Variants in NKAIN2 observed in about 807,000 individuals in gnomAD.
The protein encoded by NKAIN2 is sodium/potassium-transporting ATPase subunit beta-1-interacting protein 2.
Under a neutral mutation model 32.6 loss-of-function variants are expected in NKAIN2, and 14 were observed. The ratio of observed to expected loss-of-function variants is 0.43; its 90% CI spans 0.28 to 0.67. NKAIN2 has a LOEUF of 0.67. NKAIN2 is among the 30% of genes least tolerant of loss of function. The pLI, the probability that NKAIN2 is intolerant of heterozygous loss-of-function variation, is 0.17. For synonymous variants in NKAIN2, 80 were observed against 87.2 expected (o/e 0.92, Z 0.46); for missense variants, 198 against 258.3 (o/e 0.77, Z 1.60).
chr6:124,791,320 C>T lies in NKAIN2; in HGVS notation c.475-19C>T. The stretch of plus-strand genomic sequence containing the variant: ...TGGTGCCTTTTTCTGATGTCTAAAG[C>T]ATCTCTGTTTTGTTTCAGCTGGCAG... On this transcript the variant is annotated intron_variant, in intron 4 of 6. Transcript: ENST00000368417. 3.1e-6 allele frequency: 5 copies of T among 1,600,322 alleles called. No homozygotes were observed. Among genetic ancestry groups the T allele is most frequent in the Non-Finnish European group, 4.3e-6 (5 of 1,169,122 alleles).
At chr6:124,546,095 G>C (rs1036464505) in intron 3 of NKAIN2, among the ~76,000 whole-genome samples, 2 of 151,898 alleles carry the variant, frequency 1.3e-5, no homozygotes, top group African/African-American at 4.8e-5. Flanking sequence ...TGTTGTTATC[G>C]ACAAAAAATA....
chr6:124,071,774 A>C lies in NKAIN2; in HGVS notation c.55-211231A>C, dbSNP rs534095323. ...GAAATATTGATCAAAACCACAATGA[A>C]ATACTATCTCACACCAGTCAGGATT... On this transcript the variant is annotated intron_variant, in intron 1 of 6. Coordinates refer to ENST00000368417, the MANE Select transcript of NKAIN2 (RefSeq NM_001040214.3). 6.2e-4 allele frequency among the ~76,000 whole-genome samples: 95 copies of C among 152,238 alleles called. No individual in the cohort carries two copies. The South Asian group carries it at 7.3e-3, about 12-fold the overall frequency.
intron 1 of NKAIN2, among the ~76,000 whole-genome samples, chr6:124,078,286 G>A (rs568775121): frequency 1.3e-5 from 2 of 151,894 alleles, no homozygotes; most frequent in South Asian, 4.2e-4. Flanking sequence ...TCAAGATTTG[G>A]CCTAGCTGAA....
intron 1 of NKAIN2, among the ~76,000 whole-genome samples, chr6:123,911,523 A>T (rs967769295): frequency 4.6e-5 from 7 of 151,960 alleles, no homozygotes; most frequent in Admixed American, 6.6e-5. Context: ...ATCCATCCCT[A>T]TGATCCAAAT....
intron 2 of NKAIN2, among the ~76,000 whole-genome samples, chr6:124,317,476 C>G (rs1390906888): frequency 6.6e-6 from 1 of 151,986 alleles, no homozygotes; most frequent in African/African-American, 2.4e-5. Flanking sequence ...ATATTAAAGA[C>G]AGGATGGGAA....
At position 124,677,495 on chromosome 6, in the gene NKAIN2, G is replaced by T. The variant is rs117145644; in HGVS notation, c.474+19109G>T. On this transcript the variant is annotated intron_variant, in intron 4 of 6. Coordinates refer to ENST00000368417, the MANE Select transcript of NKAIN2 (RefSeq NM_001040214.3). ...ATACTTTGACTTATTTCTCCTTTGTGTGCCTTCAATATTTTCTTTATGGTT... is the reference window on the plus strand; with the variant it reads ...ATACTTTGACTTATTTCTCCTTTGTTTGCCTTCAATATTTTCTTTATGGTT... Among the ~76,000 whole-genome samples, 377 of 151,464 alleles carry T rather than the reference G, an allele frequency of 2.5e-3. 1 individual carries two copies. The highest frequency in any genetic ancestry group is 4.3e-3 in the Non-Finnish European group (289 of 67,896).
intron 1 of NKAIN2, among the ~76,000 whole-genome samples, chr6:124,023,696 G>A (rs779318153): frequency 1.4e-4 from 22 of 151,970 alleles, no homozygotes; most frequent in African/African-American, 2.4e-4. Context: ...TGATTTTCTC[G>A]TTACCTGTGC....
intron 3 of NKAIN2, among the ~76,000 whole-genome samples, chr6:124,468,156 C>T (rs1776836116): frequency 1.3e-5 from 2 of 152,062 alleles, no homozygotes; most frequent in South Asian, 2.1e-4. Flanking sequence ...ACAGATTTTA[C>T]ATCTTCCAAT....
chr6:124,172,116 A>AT (rs1562400575), intron 1 of NKAIN2, among the ~76,000 whole-genome samples: 1 of 152,028 alleles, frequency 6.6e-6, no homozygotes, highest in African/African-American at 2.4e-5. Context: ...CCAGCCCCCA[A>AT]TTTTTTTAAT....
chr6:124,363,339 A>T (rs1799377083), intron 3 of NKAIN2, among the ~76,000 whole-genome samples: 1 of 152,178 alleles, frequency 6.6e-6, no homozygotes, highest in Non-Finnish European at 1.5e-5. Flanking sequence ...CTAACTTTGT[A>T]AACATGCTAT....
chr6:123,927,617 A>G (rs536245716), intron 1 of NKAIN2, among the ~76,000 whole-genome samples: 3 of 152,226 alleles, frequency 2.0e-5, no homozygotes, highest in Non-Finnish European at 2.9e-5. Context: ...GGCTTAAACA[A>G]GAAAGGTGCT....
At chr6:124,072,994 T>A (rs1319951309) in intron 1 of NKAIN2, among the ~76,000 whole-genome samples, 1 of 152,182 alleles carries the variant, frequency 6.6e-6, no homozygotes, top group Non-Finnish European at 1.5e-5. Context: ...TCATTTTCCT[T>A]AGGAAATAGA....
At position 124,242,426 on chromosome 6, in the gene NKAIN2, A is replaced by T. The variant is rs181834467; in HGVS notation, c.55-40579A>T. On this transcript the variant is annotated intron_variant, in intron 1 of 6. Coordinates refer to ENST00000368417, the MANE Select transcript of NKAIN2 (RefSeq NM_001040214.3). ...CTGGAGAGGATGTGGAGAAATAGGAATGCTTTTATGCTGTTGGTGGGAGTG... is the reference window on the plus strand; with the variant it reads ...CTGGAGAGGATGTGGAGAAATAGGATTGCTTTTATGCTGTTGGTGGGAGTG... Among the ~76,000 whole-genome samples the T allele has an allele frequency of 3.3e-5, 5 of 152,302 alleles. No homozygotes were observed. The East Asian group carries it at 9.6e-4, about 29-fold the overall frequency.
rs1249192808 is a variant in NKAIN2 at position 124,290,128 on chromosome 6, C to A, written c.192+6986C>A. Among the ~76,000 whole-genome samples, 4 of 152,072 alleles carry A rather than the reference C, an allele frequency of 2.6e-5. No homozygotes were observed. The East Asian group carries it at 7.7e-4, about 29-fold the overall frequency. On this transcript the variant is annotated intron_variant, in intron 2 of 6. Coordinates refer to ENST00000368417, the MANE Select transcript of NKAIN2 (RefSeq NM_001040214.3). ...AAATAAATGTAATAATGCAACATTGCAAATGCAATTTATTCTCAAAAGAAT... is the reference window on the plus strand; with the variant it reads ...AAATAAATGTAATAATGCAACATTGAAAATGCAATTTATTCTCAAAAGAAT...
At chr6:124,236,863 A>G (rs1254136624) in intron 1 of NKAIN2, among the ~76,000 whole-genome samples, 2 of 152,188 alleles carry the variant, frequency 1.3e-5, no homozygotes, top group Non-Finnish European at 2.9e-5. Context: ...GAAAAGATTA[A>G]TAAGATGTTA....
chr6:124,718,975 T>G (rs1775892515), intron 4 of NKAIN2, among the ~76,000 whole-genome samples: 1 of 152,218 alleles, frequency 6.6e-6, no homozygotes, highest in Admixed American at 6.5e-5. Flanking sequence ...AACATGTCAT[T>G]TCTGTCGAAT....
chr6:124,332,113 G>C (rs1797684177), intron 2 of NKAIN2, among the ~76,000 whole-genome samples: 1 of 152,056 alleles, frequency 6.6e-6, no homozygotes, highest in African/African-American at 2.4e-5. Context: ...CAAGGCCTTA[G>C]TTTTTAAGTG....
chr6:124,687,424 CATGTATACCAT>C (rs1773994220), intron 4 of NKAIN2, among the ~76,000 whole-genome samples: 7 of 24,072 alleles, frequency 2.9e-4, no homozygotes, highest in African/African-American at 1.2e-3. Flanking sequence ...ATATATATTC[CATGTATACCAT>C]ATACATACAT....
chr6:123,851,244 A>ATTTTTTTTTTTTTTTTT (rs59287833), intron 1 of NKAIN2, among the ~76,000 whole-genome samples: 4 of 88,196 alleles, frequency 4.5e-5, no homozygotes, highest in Non-Finnish European at 8.0e-5. Flanking sequence ...TGGTGGTTCT[A>ATTTTTTTTTTTTTTTTT]TTTTTTTTTT....
Sources: gnomAD v4.1 joint callset for allele counts (sites outside exome capture counted in the v4.1 genomes callset) on GRCh38, gnomAD v4.1.1 for gene constraint, MANE v1.5 for transcripts, NCBI Gene and HGNC (gene_info 2026-07-23, HGNC 2026-07-21) for gene names.